LRRC27: variants seen among roughly 807,000 people sequenced by gnomAD.
The protein encoded by LRRC27 is leucine-rich repeat-containing protein 27.
LRRC27 carries 57 observed loss-of-function variants against 55.0 expected under a neutral mutation model. The observed-to-expected ratio is 1.04, with a 90% CI of 0.84 to 1.29. LRRC27 has a LOEUF of 1.29. Ranked by LOEUF, LRRC27 falls within the 50% of genes most tolerant of loss-of-function variation. The pLI, the probability that LRRC27 is intolerant of heterozygous loss-of-function variation, is 0.00. For synonymous variants in LRRC27, 278 were observed against 251.9 expected (o/e 1.10, Z -0.98); for missense variants, 721 against 651.5 (o/e 1.11, Z -1.16).
intron 10 of LRRC27, among the ~76,000 whole-genome samples, chr10:132,369,889 G>A (rs893199432): frequency 6.6e-5 from 10 of 152,196 alleles, no homozygotes; most frequent in African/African-American, 2.4e-4. Context: ...TACATGCAGA[G>A]CAGTGGGGCC....
chr10:132,336,315 G>A (rs1260985110), intron 2 of LRRC27, among the ~76,000 whole-genome samples: 1 of 152,218 alleles, frequency 6.6e-6, no homozygotes, highest in Non-Finnish European at 1.5e-5. Context: ...TGTGGGGGGT[G>A]CACACCCATA....
chr10:132,343,150 A>T (rs1054359887), intron 4 of LRRC27, among the ~76,000 whole-genome samples: 2 of 152,172 alleles, frequency 1.3e-5, no homozygotes, highest in East Asian at 3.8e-4. Flanking sequence ...TCTACAAAAA[A>T]TAAAATAAAA....
At chr10:132,353,165 G>A in intron 7 of LRRC27, 1 of 1,429,310 alleles carries the variant, frequency 7.0e-7, no homozygotes, top group Non-Finnish European at 9.1e-7. Flanking sequence ...CCCAGCAGGA[G>A]GTCGAGGAGG....
intron 8 of LRRC27, among the ~76,000 whole-genome samples, chr10:132,358,766 T>C (rs78124404): frequency 0.01 from 182 of 18,074 alleles, no homozygotes; most frequent in African/African-American, 0.017. Context: ...GATGGAGCAG[T>C]GTGGGGAGGA....
At chr10:132,352,274 T>C (rs113646160) in intron 7 of LRRC27, among the ~76,000 whole-genome samples, 1,744 of 30,678 alleles carry the variant, frequency 0.057, 85 homozygotes, top group Middle Eastern at 0.091. Context: ...CCCTTGTTTG[T>C]AGCCCCGAGG....
At chr10:132,352,878 T>G in intron 7 of LRRC27, 1 of 1,613,908 alleles carries the variant, frequency 6.2e-7, no homozygotes, top group Non-Finnish European at 8.5e-7. Flanking sequence ...TTGTTCTTCC[T>G]CAGTCCTTTC....
chr10:132,355,267 G>T (rs1427858074), intron 7 of LRRC27, among the ~76,000 whole-genome samples: 1 of 152,168 alleles, frequency 6.6e-6, no homozygotes, highest in African/African-American at 2.4e-5. Context: ...AGTAGAGATG[G>T]GGTTTCACTG....
At chr10:132,336,799 A>G (rs200884290) in intron 2 of LRRC27, 3 of 772,518 alleles carry the variant, frequency 3.9e-6, no homozygotes, top group Non-Finnish European at 7.2e-6. Flanking sequence ...CTCAGGAAAT[A>G]CAGATATGGA....
In LRRC27 at chr10:132,377,353, C is replaced by T. The variant is rs2069351218; in HGVS notation, c.*2111C>T. 6.6e-6 allele frequency: 1 copy of T among 152,098 alleles called. No individual in the cohort carries two copies. The highest frequency in any genetic ancestry group is 2.4e-5 in the African/African-American group (1 of 41,394). 9.4% of individuals were successfully genotyped at this position (152,098 alleles called of 1,614,324 possible). A position where few individuals can be genotyped will look rare whatever the true frequency, so the allele number is the denominator to read the frequency against. On this transcript the variant is annotated 3_prime_UTR_variant, in exon 11 of 11. Coordinates refer to ENST00000368614, the MANE Select transcript of LRRC27 (RefSeq NM_030626.3). ...TAGTGATCAATTTTTTTATTTATAT[C>T]TCTTGTATTAGAGTTTTAGTAATAT...
chr10:132,347,434 C>T (rs2067762685), intron 5 of LRRC27, among the ~76,000 whole-genome samples: 1 of 150,204 alleles, frequency 6.7e-6, no homozygotes, highest in South Asian at 2.1e-4. Context: ...GTAGGAAGGT[C>T]AGGCGTGCTC....
upstream of LRRC27, chr10:132,331,865 G>T (rs770544708): frequency 2.2e-6 from 3 of 1,352,872 alleles, no homozygotes; most frequent in Non-Finnish European, 3.0e-6. Context: ...CGTTGGCCGC[G>T]TGCGTGCGCA....
chr10:132,374,112 G>GT lies in LRRC27; in HGVS notation c.1417-954_1417-953insT, dbSNP rs1256178505. The stretch of plus-strand genomic sequence containing the variant: ...GGCTGCATGGTGAGGGGGTGCAGTG[G>GT]CTCCAGGGACCTGCTGTGATTATGG... On this transcript the variant is annotated intron_variant, in intron 10 of 10. Transcript: ENST00000368614. This position sits in a 1 kb window ranked among gnomAD's most constrained non-coding sequence, Gnocchi z 4.4. Among the ~76,000 whole-genome samples the GT allele has an allele frequency of 7.5e-6, 1 of 132,720 alleles. No homozygotes were observed. The highest frequency in any genetic ancestry group is 1.6e-5 in the Non-Finnish European group (1 of 63,202). 87.1% of individuals were successfully genotyped at this position (132,720 alleles called of 152,430 possible). A position where few individuals can be genotyped will look rare whatever the true frequency, so the allele number is the denominator to read the frequency against.
In LRRC27 at chr10:132,361,504, A is replaced by C. The variant is rs752787127; in HGVS notation, c.1218A>C (p.Lys406Asn). 5 of 1,613,872 alleles carry C rather than the reference A, an allele frequency of 3.1e-6. No homozygotes were observed. In the East Asian group the frequency reaches 1.1e-4, roughly 36 times the overall value. ...CCACAGATCTGATAGATAACAGGAA[A>C]GTACCACTGAATCCGCCTGGAAAAA... ...PSATDLIDNR[K>N]VPLNPPGKMK... The change falls in exon 9 of 11, where the codon AAA becomes AAC. Residue 406 changes from lysine to asparagine, a missense_variant. Physicochemically the swap from Lys to Asn is moderately conservative, Grantham distance 94. Transcript: ENST00000368614.
chr10:132,370,906 GTC>G (rs1564860023), intron 10 of LRRC27, among the ~76,000 whole-genome samples: 2 of 152,252 alleles, frequency 1.3e-5, no homozygotes, highest in Non-Finnish European at 2.9e-5. Context: ...TGCAGGTGAA[GTC>G]TCGGGCTTTG....
chr10:132,356,009 C>T (rs1190133163), intron 8 of LRRC27, 123 bp downstream of exon 8: 1 of 655,958 alleles, frequency 1.5e-6, no homozygotes, highest in Non-Finnish European at 2.7e-6. Flanking sequence ...TGCTCACACG[C>T]ATCCCTGTCC....
At position 132,342,242 on chromosome 10, in the gene LRRC27, A is replaced by T. The variant is rs1191801110; in HGVS notation, c.371A>T (p.Asn124Ile). The T allele has an allele frequency of 6.4e-7, 1 of 1,555,682 alleles. No homozygotes were observed. Among genetic ancestry groups the T allele is most frequent in the Non-Finnish European group, 8.7e-7 (1 of 1,149,520 alleles). Residue 124 changes from asparagine (N) to isoleucine (I), a missense_variant, in exon 4 of 11, where the codon AAT (asparagine) becomes ATT (isoleucine). Coordinates refer to ENST00000368614, the MANE Select transcript of LRRC27 (RefSeq NM_030626.3). ...TTGAAAACTTTGCTTTTAGAAAGAAATCCTATCAAAATGTTACCTGTGGAG... is the reference window on the plus strand; with the variant it reads ...TTGAAAACTTTGCTTTTAGAAAGAATTCCTATCAAAATGTTACCTGTGGAG... ...QHLKTLLLERNPIKMLPVELG... is the reference protein window; with the variant it reads ...QHLKTLLLERIPIKMLPVELG...
At chr10:132,339,783 G>A (rs1191256106) in intron 3 of LRRC27, among the ~76,000 whole-genome samples, 1 of 152,242 alleles carries the variant, frequency 6.6e-6, no homozygotes, top group African/African-American at 2.4e-5. Context: ...CTCAGAGGAT[G>A]TAAATGAACT....
upstream of LRRC27, chr10:132,331,496 C>T (rs762107068): frequency 2.5e-6 from 4 of 1,612,794 alleles, no homozygotes; most frequent in African/African-American, 2.7e-5. Context: ...CCAAAGAGGA[C>T]GCTCTGAGTC....
intron 10 of LRRC27, among the ~76,000 whole-genome samples, chr10:132,370,860 G>A (rs1397971757): frequency 1.3e-5 from 2 of 152,214 alleles, no homozygotes; most frequent in African/African-American, 2.4e-5. Context: ...GAACCTATTT[G>A]TATAATCCTG....
Sources: allele counts gnomAD v4.1 joint callset (sites outside exome capture counted in the v4.1 genomes callset), GRCh38; gene constraint gnomAD v4.1.1; non-coding constraint Gnocchi (gnomAD v3.1); transcripts MANE v1.5; gene names NCBI Gene and HGNC (gene_info 2026-07-23, HGNC 2026-07-21).